The following APC2 variants were observed in gnomAD, a reference collection of about 807,000 sequenced individuals.
APC2 encodes the protein adenomatous polyposis coli protein 2.
Under a neutral mutation model 72.5 loss-of-function variants are expected in APC2, and 41 were observed. That is an observed-to-expected ratio of 0.57 (90% confidence interval 0.44 to 0.73). The LOEUF (loss-of-function observed/expected upper bound fraction) is 0.73, where lower values mean the gene tolerates loss of function less well. Among genes scored for constraint, APC2 ranks in the 30% least tolerant of loss-of-function variants. The pLI, the probability that APC2 is intolerant of heterozygous loss-of-function variation, is 0.00. For missense variants in APC2, 3,729 were observed against 3,403.4 expected (o/e 1.10, Z -2.38); for synonymous variants, 1,898 against 1,612.0 (o/e 1.18, Z -4.25).
In APC2 at chr19:1,470,432, GCCGCTAGGCCTCAAGTCCCGA is replaced by G; in HGVS notation, c.*223_*243del. 1.5e-6 allele frequency: 1 copy of G among 663,156 alleles called. No homozygotes were observed. The allele number at this position is 663,156 out of a possible 1,614,324, so 41.1% of individuals were successfully genotyped here. A position where few individuals can be genotyped will look rare whatever the true frequency, so the allele number is the denominator to read the frequency against. ...CGGAGGTCCAGGAGGAAACGGGGCG[GCCGCTAGGCCTCAAGTCCCGA>G]CCGTGGAGCGCTGGCAAGGGCGTCC... On this transcript the variant is annotated 3_prime_UTR_variant, in exon 15 of 15. Coordinates refer to ENST00000590469, the MANE Select transcript of APC2 (RefSeq NM_005883.3).
intron 1 of APC2, among the ~76,000 whole-genome samples, chr19:1,451,010 TGGA>T (rs1041462828): frequency 4.6e-5 from 7 of 152,032 alleles, no homozygotes; most frequent in African/African-American, 1.7e-4. Context: ...TGGGGAGCCA[TGGA>T]AGGTGTTTGA....
upstream of APC2, chr19:1,446,284 C>A: frequency 1.0e-6 from 1 of 982,292 alleles, no homozygotes. The surrounding 1 kb of genome is among the most constrained non-coding windows in gnomAD (Gnocchi z 6.1). Context: ...GCGGCCGCGG[C>A]TCCATGGGGC....
chr19:1,465,351 G>A lies in APC2; in HGVS notation c.2050G>A (p.Ala684Thr). 2.5e-6 allele frequency: 4 copies of A among 1,586,294 alleles called. No individual in the cohort carries two copies. The highest frequency in any genetic ancestry group is 3.4e-6 in the Non-Finnish European group (4 of 1,173,418). The change falls in exon 15 of 15, where the codon GCC (alanine) becomes ACC (threonine). Residue 684 changes from alanine to threonine, a missense_variant. By Grantham distance (58) the Ala-to-Thr change is moderately conservative. Transcript: ENST00000590469. ...NLVHSKHKMIAMGSAAALRNL... is the reference protein window; with the variant it reads ...NLVHSKHKMITMGSAAALRNL... ...GGTGCACTCCAAGCACAAGATGATC[G>A]CCATGGGCAGCGCCGCCGCCCTGCG...
In APC2 at chr19:1,470,335, C is replaced by T; in HGVS notation, c.*122C>T. 7.6e-7 allele frequency: 1 copy of T among 1,310,266 alleles called. No homozygotes were observed. The allele number at this position is 1,310,266 out of a possible 1,614,324, so 81.2% of individuals were successfully genotyped here. On this transcript the variant is annotated 3_prime_UTR_variant, in exon 15 of 15. Transcript: ENST00000590469. ...CCCAGGGCCTCTGCCCACCCGAGCC[C>T]CACCACTCTCAGAACCCCCGCCCAG...
At position 1,465,162 on chromosome 19, in the gene APC2, C is replaced by T. The variant is rs752564895; in HGVS notation, c.1861C>T (p.Leu621Phe). 1.4e-4 allele frequency: 216 copies of T among 1,598,822 alleles called. No homozygotes were observed. The highest frequency in any genetic ancestry group is 1.8e-4 in the Non-Finnish European group (210 of 1,173,792). Residue 621 changes from leucine (L) to phenylalanine (F), a missense_variant, in exon 15 of 15, where the codon CTC becomes TTC. By Grantham distance (22) the Leu-to-Phe change is conservative. Coordinates refer to ENST00000590469, the MANE Select transcript of APC2 (RefSeq NM_005883.3). Reference protein sequence around the residue: ...VATREDYRQVLRDHNCLQTLL... With the variant: ...VATREDYRQVFRDHNCLQTLL... ...CCCGCCCTGTGCCTACAGGCAGGTG[C>T]TCCGGGATCACAACTGTCTGCAGAC...
rs1349383808 is a variant in APC2 at position 1,466,065 on chromosome 19, C to A, written c.2764C>A (p.Leu922Ile). The change falls in exon 15 of 15, where the codon CTC becomes ATC. Residue 922 changes from leucine to isoleucine, a missense_variant. By Grantham distance (5) the Leu-to-Ile change is conservative. Transcript: ENST00000590469. The stretch of plus-strand genomic sequence containing the variant: ...GCGGCTCAAGGCGGCCCACGCCAGC[C>A]TCTCCAACGACAGCCTCAACAGCGG... ...LLRLKAAHASLSNDSLNSGSA... is the reference protein window; with the variant it reads ...LLRLKAAHASISNDSLNSGSA... 1.3e-6 allele frequency: 2 copies of A among 1,519,256 alleles called. No homozygotes were observed. Among genetic ancestry groups the A allele is most frequent in the Admixed American group, 2.2e-5 (1 of 46,124 alleles). The allele number at this position is 1,519,256 out of a possible 1,614,324, so 94.1% of individuals were successfully genotyped here.
chr19:1,455,753 G>T (rs1455784598), intron 6 of APC2, among the ~76,000 whole-genome samples: 3 of 152,128 alleles, frequency 2.0e-5, no homozygotes, highest in East Asian at 3.9e-4. Context: ...CTGTGGGCAG[G>T]GCCAGATCAG....
chr19:1,448,423 G>A (rs1003633810), upstream of APC2, among the ~76,000 whole-genome samples: 2 of 152,046 alleles, frequency 1.3e-5, no homozygotes, highest in South Asian at 2.1e-4. Flanking sequence ...GTACATGCCT[G>A]TAATCCCAGT....
intron 14 of APC2, among the ~76,000 whole-genome samples, chr19:1,463,940 CGA>C (rs1384354166): frequency 6.6e-6 from 1 of 151,196 alleles, no homozygotes; most frequent in African/African-American, 2.4e-5. Flanking sequence ...TTTGGGAGGC[CGA>C]GGTGGGCGGA....
chr19:1,457,232 G>A lies in APC2; in HGVS notation c.1196G>A (p.Gly399Asp). The change falls in exon 9 of 15, where the codon GGC (glycine) becomes GAC (aspartate). Residue 399 changes from glycine to aspartate, a missense_variant. Transcript: ENST00000590469. ...CGAGACGGCGGGCCCGAGGGAGGTG[G>A]CGCCGGCAGCGGTGAGTGCCTGGCC... ...QARDGGPEGG[G>D]AGSAPIPIEP... 3 of 1,530,070 alleles carry A rather than the reference G, an allele frequency of 2.0e-6. No homozygotes were observed. The highest frequency in any genetic ancestry group is 1.2e-5 in the South Asian group (1 of 82,488). The allele number at this position is 1,530,070 out of a possible 1,614,324, so 94.8% of individuals were successfully genotyped here. A position where few individuals can be genotyped will look rare whatever the true frequency, so the allele number is the denominator to read the frequency against.
Position 1,456,957 on chromosome 19 carries a change from C to T in APC2, c.921C>T (p.Ala307=), listed in dbSNP as rs61735606. The T allele has an allele frequency of 5.4e-5, 84 of 1,545,810 alleles. No individual in the cohort carries two copies. The African/African-American group carries it at 6.8e-4, about 13-fold the overall frequency. ...CCAGCTCGCCCGAGAGCTGCGTGGC[C>T]ATGCGCCGCTCGGGCTGTCTGCCTC... ...AMSSSPESCV[A]MRRSGCLPLL... The change falls in exon 9 of 15, where the codon GCC becomes GCT. Residue 307 remains alanine (A), a synonymous_variant. Coordinates refer to ENST00000590469, the MANE Select transcript of APC2 (RefSeq NM_005883.3).
chr19:1,448,544 T>TA (rs547873034), upstream of APC2, among the ~76,000 whole-genome samples: 6,695 of 82,618 alleles, frequency 0.081, 272 homozygotes, highest in South Asian at 0.15. Context: ...AGACCCCATC[T>TA]AAAAAAAAAA....
chr19:1,469,763 GCCC>G lies in APC2; in HGVS notation c.6464_6466del (p.Pro2155del), dbSNP rs1437107483. 2.0e-6 allele frequency: 3 copies of G among 1,506,512 alleles called. No individual in the cohort carries two copies. Among genetic ancestry groups the G allele is most frequent in the African/African-American group, 1.5e-5 (1 of 68,796 alleles). 93.3% of individuals were successfully genotyped at this position (1,506,512 alleles called of 1,614,324 possible). ...GGCGGCGCATCCGAGATGAGGACGT[GCCC>G]CACATCCTGCGCAGCACGCTTCCCG... On this transcript the variant is annotated inframe_deletion, in exon 15 of 15. Coordinates refer to ENST00000590469, the MANE Select transcript of APC2 (RefSeq NM_005883.3).
At chr19:1,462,655 CA>C (rs34103912) in intron 14 of APC2, among the ~76,000 whole-genome samples, 1,605 of 24,836 alleles carry the variant, frequency 0.065, 23 homozygotes, top group African/African-American at 0.16. Flanking sequence ...AACTTCATCT[CA>C]AAAAAAAAAA....
chr19:1,450,397 A>T, intron 1 of APC2, 59 bp downstream of exon 1: 1 of 976,472 alleles, frequency 1.0e-6, no homozygotes, highest in Middle Eastern at 5.3e-4. Context: ...CGAGGTTTCC[A>T]TCCCTGGCTC....
At chr19:1,457,893 T>TGTGGGGGGGG (rs202079646) in intron 9 of APC2, 72 bp from the exon 10 acceptor site, 2 of 1,172,164 alleles carry the variant, frequency 1.7e-6, no homozygotes, top group South Asian at 1.4e-5. Context: ...GCGGGCGGGT[T>TGTGGGGGGGG]GCGGGACCTT....
Position 1,455,419 on chromosome 19 carries a change from G to C in APC2, c.558G>C (p.Gln186His), listed in dbSNP as rs2083806896. 4 of 1,608,852 alleles carry C rather than the reference G, an allele frequency of 2.5e-6. No homozygotes were observed. Among genetic ancestry groups the C allele is most frequent in the Non-Finnish European group, 3.4e-6 (4 of 1,178,120 alleles). Reference sequence around the variant, plus strand: ...TGCAGATGGACCTGATCCGGCAGCAGCTTGAGTTCGAGGCCCAGCACATCC... The same window carrying C: ...TGCAGATGGACCTGATCCGGCAGCACCTTGAGTTCGAGGCCCAGCACATCC... ...FSMQMDLIRQ[Q>H]LEFEAQHIRS... Residue 186 changes from glutamine to histidine, a missense_variant, in exon 6 of 15, where the codon CAG (glutamine) becomes CAC (histidine). Physicochemically the swap from Gln to His is conservative, Grantham distance 24. Transcript: ENST00000590469.
rs367639199 is a variant in APC2, at chr19:1,461,939, G to T, written c.1639-24G>T. The T allele has an allele frequency of 4.4e-5, 58 of 1,311,484 alleles. No homozygotes were observed. The African/African-American group carries it at 6.8e-4, about 15-fold the overall frequency. 81.2% of individuals were successfully genotyped at this position (1,311,484 alleles called of 1,614,324 possible). A position where few individuals can be genotyped will look rare whatever the true frequency, so the allele number is the denominator to read the frequency against. On this transcript the variant is annotated intron_variant, in intron 13 of 14. Coordinates refer to ENST00000590469, the MANE Select transcript of APC2 (RefSeq NM_005883.3). ...CTCCGGGCCACTCAGGCCCTGACCC[G>T]CCCCTCTCCCGCCCCTCGTCCAGGA...
chr19:1,458,260 G>A (rs565711332), intron 10 of APC2, 200 bp downstream of exon 10: 39 of 602,498 alleles, frequency 6.5e-5, no homozygotes, highest in Middle Eastern at 4.5e-4. Context: ...CATGAGCTGC[G>A]TGTGGCCTCC....
Sources: gnomAD v4.1 joint callset for allele counts (sites outside exome capture counted in the v4.1 genomes callset) on GRCh38, gnomAD v4.1.1 for gene constraint, Gnocchi (gnomAD v3.1) non-coding constraint, MANE v1.5 for transcripts, NCBI Gene and HGNC (gene_info 2026-07-23, HGNC 2026-07-21) for gene names.